CLVS1: variants seen among roughly 807,000 people sequenced by gnomAD.
CLVS1 encodes the protein clavesin 1.
In CLVS1, 10 loss-of-function variants were observed where a neutral mutation model predicts 33.1. That is an observed-to-expected ratio of 0.30 (90% CI 0.19 to 0.51). The LOEUF (loss-of-function observed/expected upper bound fraction) is 0.51, where lower values mean the gene tolerates loss of function less well. Among genes scored for constraint, CLVS1 ranks in the 20% least tolerant of loss-of-function variants. The pLI, the probability that CLVS1 is intolerant of heterozygous loss-of-function variation, is 0.97. For synonymous variants in CLVS1, 163 were observed against 166.1 expected (o/e 0.98, Z 0.14); for missense variants, 343 against 433.4 (o/e 0.79, Z 1.85).
intron 3 of CLVS1, among the ~76,000 whole-genome samples, chr8:61,434,468 C>G (rs1372289276): frequency 1.3e-5 from 2 of 152,106 alleles, no homozygotes; most frequent in Admixed American, 6.5e-5. Flanking sequence ...TCAGGAAGTC[C>G]TAAGAACATG....
intron 2 of CLVS1, among the ~76,000 whole-genome samples, chr8:61,258,061 ACCT>A (rs1809123457): frequency 6.6e-6 from 1 of 151,250 alleles, no homozygotes; most frequent in South Asian, 2.1e-4. Flanking sequence ...CATCAGTGAA[ACCT>A]CCTAATAGGG....
chr8:61,445,043 G>A (rs1193829367), intron 3 of CLVS1, among the ~76,000 whole-genome samples: 1 of 152,158 alleles, frequency 6.6e-6, no homozygotes, highest in Non-Finnish European at 1.5e-5. Context: ...GAAGACCTCA[G>A]ATGTCAAAGC....
intron 2 of CLVS1, among the ~76,000 whole-genome samples, chr8:61,258,789 T>C (rs1383930650): frequency 6.6e-6 from 1 of 152,204 alleles, no homozygotes; most frequent in Non-Finnish European, 1.5e-5. Context: ...ACTCGTCTAG[T>C]ACAATGATTA....
chr8:61,367,498 G>A (rs1437408682), intron 2 of CLVS1, among the ~76,000 whole-genome samples: 1 of 152,122 alleles, frequency 6.6e-6, no homozygotes, highest in Non-Finnish European at 1.5e-5. Flanking sequence ...CCAATCATAA[G>A]TGATCTCTCC....
chr8:61,022,338 T>C, the CLVS1 span, among the ~76,000 whole-genome samples: 5 of 152,218 alleles, frequency 3.3e-5, no homozygotes, highest in Admixed American at 1.3e-4. Context: ...GGAGCTGGTA[T>C]AGTTTAACGA....
the CLVS1 span, among the ~76,000 whole-genome samples, chr8:61,017,893 A>G: frequency 1.3e-5 from 2 of 152,238 alleles, no homozygotes; most frequent in Non-Finnish European, 2.9e-5. Flanking sequence ...CATTCTATGA[A>G]TTAAAATCTA....
At chr8:61,328,641 T>C (rs2129596978) in intron 2 of CLVS1, among the ~76,000 whole-genome samples, 1 of 152,282 alleles carries the variant, frequency 6.6e-6, no homozygotes, top group Middle Eastern at 3.4e-3. Flanking sequence ...AGACAGAAAA[T>C]TCCCAGATGC....
At chr8:61,185,432 G>A (rs1037800117) in intron 2 of CLVS1, among the ~76,000 whole-genome samples, 1 of 151,744 alleles carries the variant, frequency 6.6e-6, no homozygotes, top group African/African-American at 2.4e-5. Flanking sequence ...GGAATTATAG[G>A]CATGAACCAC....
At chr8:61,122,424 A>G (rs1259944591) in intron 1 of CLVS1, among the ~76,000 whole-genome samples, 1 of 152,140 alleles carries the variant, frequency 6.6e-6, no homozygotes, top group Admixed American at 6.6e-5. Flanking sequence ...AGGGATATAG[A>G]TTGCCAGGAA....
At chr8:61,062,920 T>C (rs1368471235) in intron 1 of CLVS1, among the ~76,000 whole-genome samples, 1 of 152,256 alleles carries the variant, frequency 6.6e-6, no homozygotes, top group Non-Finnish European at 1.5e-5. Flanking sequence ...GTGATTGCTA[T>C]GCATTTCCTT....
chr8:61,024,859 T>TC, the CLVS1 span, among the ~76,000 whole-genome samples: 1 of 151,752 alleles, frequency 6.6e-6, no homozygotes, highest in East Asian at 1.9e-4. Flanking sequence ...TTTCTTTCTT[T>TC]TTTTTTTTTA....
the CLVS1 span, among the ~76,000 whole-genome samples, chr8:61,004,453 G>A: frequency 6.6e-6 from 1 of 152,254 alleles, no homozygotes; most frequent in Non-Finnish European, 1.5e-5. Flanking sequence ...GAAAGCCAGA[G>A]CCATGTGAGA....
intron 2 of CLVS1, among the ~76,000 whole-genome samples, chr8:61,279,044 C>G (rs1413296035): frequency 3.3e-5 from 5 of 152,252 alleles, no homozygotes; most frequent in African/African-American, 1.2e-4. Flanking sequence ...GCCAATCAAA[C>G]TGCAGCTCTA....
intron 3 of CLVS1, among the ~76,000 whole-genome samples, chr8:61,433,443 G>A (rs1487219513): frequency 6.6e-6 from 1 of 152,178 alleles, no homozygotes; most frequent in Non-Finnish European, 1.5e-5. Context: ...CAGATTTGTT[G>A]TTGTTTGTTT....
the CLVS1 span, among the ~76,000 whole-genome samples, chr8:60,983,256 A>G: frequency 1.3e-5 from 2 of 152,234 alleles, no homozygotes; most frequent in African/African-American, 2.4e-5. Context: ...AGGCGCTCAC[A>G]TAATTACCAA....
chr8:61,461,284 A>C (rs1360340322), intron 5 of CLVS1, among the ~76,000 whole-genome samples: 1 of 152,216 alleles, frequency 6.6e-6, no homozygotes, highest in Non-Finnish European at 1.5e-5. Flanking sequence ...TGTCCCCATT[A>C]ACTTTTTGTA....
the CLVS1 span, among the ~76,000 whole-genome samples, chr8:61,027,728 AT>A: frequency 1.3e-5 from 2 of 151,964 alleles, no homozygotes; most frequent in Non-Finnish European, 2.9e-5. Flanking sequence ...TGGGCTGTGT[AT>A]TTTCAATATC....
intron 2 of CLVS1, among the ~76,000 whole-genome samples, chr8:61,244,102 C>A (rs898927944): frequency 6.6e-6 from 1 of 152,068 alleles, no homozygotes; most frequent in African/African-American, 2.4e-5. Context: ...GAGGTCGAAC[C>A]AAATGACTGC....
intron 1 of CLVS1, among the ~76,000 whole-genome samples, chr8:61,069,018 G>A (rs1804737445): frequency 6.6e-6 from 1 of 152,132 alleles, no homozygotes; most frequent in African/African-American, 2.4e-5. Flanking sequence ...CCAGGCTGGA[G>A]TGCAGTGGCA....
Sources: allele counts gnomAD v4.1 joint callset (sites outside exome capture counted in the v4.1 genomes callset), GRCh38; gene constraint gnomAD v4.1.1; transcripts MANE v1.5; gene names NCBI Gene and HGNC (gene_info 2026-07-23, HGNC 2026-07-21).